Variants in PRR5L observed in about 807,000 individuals in gnomAD.
PRR5L encodes the protein proline-rich protein 5-like.
A neutral mutation model predicts 36.4 loss-of-function variants in PRR5L; 21 were observed. That is an observed-to-expected ratio of 0.58 (90% confidence interval 0.41 to 0.83). The LOEUF (loss-of-function observed/expected upper bound fraction) is 0.83. PRR5L is among the 40% of genes least tolerant of loss of function. The pLI, the probability that PRR5L is intolerant of heterozygous loss-of-function variation, is 0.00. For synonymous variants in PRR5L, 188 were observed against 197.0 expected, an observed-to-expected ratio of 0.95 and a Z score of 0.38; for missense variants, 381 against 473.3, an observed-to-expected ratio of 0.80 and a Z score of 1.81.
At chr11:36,313,747 A>G (rs182924416) in intron 1 of PRR5L, among the ~76,000 whole-genome samples, 1 of 152,338 alleles carries the variant, frequency 6.6e-6, no homozygotes, top group East Asian at 1.9e-4. Flanking sequence ...TTGCCAGTTC[A>G]ATCTACCTTG....
rs148385744 is a variant in PRR5L at position 36,363,414 on chromosome 11, T to C, written c.-125-37583T>C. On this transcript the variant is annotated intron_variant, in intron 1 of 8. Transcript: ENST00000530639. Reference sequence around the variant, plus strand: ...AGATTAGCTGGGGACAGATTGACTGTACTAAGCAGAATTCACTGTTAATAG... The same window carrying C: ...AGATTAGCTGGGGACAGATTGACTGCACTAAGCAGAATTCACTGTTAATAG... Among the ~76,000 whole-genome samples, 143 of 152,372 alleles carry C rather than the reference T, an allele frequency of 9.4e-4. 1 individual carries two copies. In the East Asian group the frequency reaches 0.02, roughly 22 times the overall value.
intron 4 of PRR5L, among the ~76,000 whole-genome samples, chr11:36,420,984 A>G (rs1414047496): frequency 2.6e-5 from 4 of 152,204 alleles, no homozygotes; most frequent in African/African-American, 9.6e-5. Context: ...TCAGGGAGAG[A>G]CAAACATAAA....
At chr11:36,312,538 C>T (rs1350891250) in intron 1 of PRR5L, among the ~76,000 whole-genome samples, 1 of 152,180 alleles carries the variant, frequency 6.6e-6, no homozygotes, top group African/African-American at 2.4e-5. Context: ...TGTTCATTGC[C>T]ACTCACTTGA....
At chr11:36,349,580 C>T (rs977551360) in intron 1 of PRR5L, among the ~76,000 whole-genome samples, 6 of 152,140 alleles carry the variant, frequency 3.9e-5, no homozygotes, top group Admixed American at 6.6e-5. Context: ...TCTGGAATCC[C>T]GTGGTGCCCG....
intron 8 of PRR5L, among the ~76,000 whole-genome samples, chr11:36,460,371 G>T (rs941962735): frequency 6.6e-6 from 1 of 152,076 alleles, no homozygotes; most frequent in African/African-American, 2.4e-5. Context: ...TGCCTCCTCT[G>T]CATCCTCCCC....
chr11:36,311,460 G>C (rs1323004536), intron 1 of PRR5L, among the ~76,000 whole-genome samples: 1 of 152,184 alleles, frequency 6.6e-6, no homozygotes, highest in Non-Finnish European at 1.5e-5. Flanking sequence ...TCATGGGTTG[G>C]TAGGCTATGC....
chr11:36,381,177 C>T (rs773395295), intron 1 of PRR5L, among the ~76,000 whole-genome samples: 3 of 152,132 alleles, frequency 2.0e-5, no homozygotes, highest in Admixed American at 6.5e-5. Flanking sequence ...TACCAAATGC[C>T]GGCAACACTT....
intron 1 of PRR5L, among the ~76,000 whole-genome samples, chr11:36,400,721 G>A (rs1231584832): frequency 6.6e-6 from 1 of 152,168 alleles, no homozygotes; most frequent in Non-Finnish European, 1.5e-5. Context: ...CTGCATATTG[G>A]AACCAGAGTC....
intron 1 of PRR5L, among the ~76,000 whole-genome samples, chr11:36,378,048 C>T (rs1376081582): frequency 6.6e-6 from 1 of 152,056 alleles, no homozygotes; most frequent in Non-Finnish European, 1.5e-5. Context: ...CCTTTTTGAC[C>T]TCTCTTTGGT....
chr11:36,464,339 C>CATT lies in PRR5L; in HGVS notation c.*1606_*1608dup, dbSNP rs1434425388. The CATT allele has an allele frequency of 6.6e-6, 1 of 152,186 alleles. No homozygotes were observed. The highest frequency in any genetic ancestry group is 1.9e-4 in the East Asian group (1 of 5,196). The allele number at this position is 152,186 out of a possible 1,614,324, so 9.4% of individuals were successfully genotyped here. On this transcript the variant is annotated 3_prime_UTR_variant, in exon 9 of 9. Transcript: ENST00000530639. ...AGCTGCCACGGTGATGAGACCTTCT[C>CATT]ATTATGTAACTCTTGATGGCATTTC...
intron 1 of PRR5L, among the ~76,000 whole-genome samples, chr11:36,354,107 A>C (rs2133495811): frequency 6.6e-6 from 1 of 152,312 alleles, no homozygotes; most frequent in East Asian, 1.9e-4. Flanking sequence ...ATTCTGGCTT[A>C]CTATTACTTG....
chr11:36,338,732 A>G (rs753173829), intron 1 of PRR5L, among the ~76,000 whole-genome samples: 6 of 152,052 alleles, frequency 3.9e-5, no homozygotes, highest in Non-Finnish European at 8.8e-5. Flanking sequence ...TGCCTATGAA[A>G]TCTGGTTTTT....
chr11:36,389,435 T>C (rs1857521191), intron 1 of PRR5L, among the ~76,000 whole-genome samples: 1 of 152,134 alleles, frequency 6.6e-6, no homozygotes, highest in African/African-American at 2.4e-5. Context: ...GTTATCTCAT[T>C]TTCATCTTAA....
intron 4 of PRR5L, among the ~76,000 whole-genome samples, chr11:36,421,348 G>C (rs546621422): frequency 6.6e-5 from 10 of 152,292 alleles, no homozygotes; most frequent in Admixed American, 6.5e-4. Flanking sequence ...TACTGCTTAC[G>C]AAGCATGCCA....
intron 1 of PRR5L, among the ~76,000 whole-genome samples, chr11:36,353,937 C>A (rs1273432147): frequency 2.0e-5 from 3 of 151,984 alleles, no homozygotes; most frequent in Non-Finnish European, 4.4e-5. Context: ...TCTAGGACTT[C>A]AAGAGTCCAT....
At chr11:36,349,198 A>G (rs1277172570) in intron 1 of PRR5L, among the ~76,000 whole-genome samples, 1 of 149,728 alleles carries the variant, frequency 6.7e-6, no homozygotes, top group East Asian at 2.0e-4. Flanking sequence ...GCAGGAGAAT[A>G]GCTTGAACCC....
At chr11:36,310,775 G>C (rs1264349549) in intron 1 of PRR5L, among the ~76,000 whole-genome samples, 2 of 152,068 alleles carry the variant, frequency 1.3e-5, no homozygotes, top group Non-Finnish European at 2.9e-5. Context: ...GAGGTGGGCA[G>C]ATTACAAGGT....
At chr11:36,437,535 C>A in intron 6 of PRR5L, 59 bp downstream of exon 6, 2 of 1,066,650 alleles carry the variant, frequency 1.9e-6, no homozygotes. Context: ...CTCTCCTGGC[C>A]CTTGCGGCCT....
Position 36,462,377 on chromosome 11 carries a change from G to C in PRR5L, c.748G>C (p.Val250Leu). The change falls in exon 9 of 9, where the codon GTC becomes CTC. Residue 250 changes from valine (V) to leucine (L), a missense_variant. Coordinates refer to ENST00000530639, the MANE Select transcript of PRR5L (RefSeq NM_001160167.2). ...CTCCAGGGTCCGGCCCAAGGTGACTGTCCTGAACTATGCCTCCCCGATAAC... is the reference window on the plus strand; with the variant it reads ...CTCCAGGGTCCGGCCCAAGGTGACTCTCCTGAACTATGCCTCCCCGATAAC... ...RHSRVRPKVTVLNYASPITAV... is the reference protein window; with the variant it reads ...RHSRVRPKVTLLNYASPITAV... 2 of 1,545,292 alleles carry C rather than the reference G, an allele frequency of 1.3e-6. No homozygotes were observed. Among genetic ancestry groups the C allele is most frequent in the Non-Finnish European group, 1.7e-6 (2 of 1,143,566 alleles).
Sources: allele counts gnomAD v4.1 joint callset (sites outside exome capture counted in the v4.1 genomes callset), GRCh38; gene constraint gnomAD v4.1.1; transcripts MANE v1.5; gene names NCBI Gene and HGNC (gene_info 2026-07-23, HGNC 2026-07-21).